The following AHNAK variants were observed in gnomAD, a reference collection of about 807,000 sequenced individuals.
The protein encoded by AHNAK is neuroblast differentiation-associated protein AHNAK.
AHNAK carries 23 observed loss-of-function variants against 37.8 expected under a neutral mutation model. The observed-to-expected ratio is 0.61, with a 90% CI of 0.44 to 0.86. The LOEUF is 0.86. AHNAK is among the 40% of genes least tolerant of loss of function. The pLI is 0.00. For synonymous variants in AHNAK, 2,481 were observed against 2,636.3 expected (o/e 0.94, Z 1.80); for missense variants, 7,411 against 7,319.4 (o/e 1.01, Z -0.46).
At position 62,522,023 on chromosome 11, in the gene AHNAK, G is replaced by A; in HGVS notation, c.12394C>T (p.Pro4132Ser). 1 of 1,614,030 alleles carries A rather than the reference G, an allele frequency of 6.2e-7. No individual in the cohort carries two copies. The highest frequency in any genetic ancestry group is 1.1e-5 in the South Asian group (1 of 91,062). ...LHLKAPKISMPEVDLNLKGPK... is the reference protein window; with the variant it reads ...LHLKAPKISMSEVDLNLKGPK... ...CCTTTCAGATTCAGGTCAACTTCAG[G>A]CATAGAGATCTTCGGTGCCTTGAGG... is the stretch of plus-strand genomic sequence containing the variant. The change falls in exon 5 of 5, where the codon CCT (proline) becomes TCT (serine). Residue 4132 changes from proline to serine, a missense_variant. By Grantham distance (74) the Pro-to-Ser change is moderately conservative (BLOSUM62 -1). Coordinates refer to ENST00000378024, the MANE Select transcript of AHNAK (RefSeq NM_001620.3).
Position 62,519,923 on chromosome 11 carries a change from G to A in AHNAK, c.14494C>T (p.Leu4832=). The A allele has an allele frequency of 6.2e-7, 1 of 1,613,912 alleles. No individual in the cohort carries two copies. Residue 4832 remains leucine (L), a synonymous_variant, in exon 5 of 5, where the codon CTG becomes TTG. Transcript: ENST00000378024. ...GGCATCTTGAACTTGGGGCCCTTCA[G>A]TTTTGCGTCTGGACCTTCGATATTC... The part of the protein sequence containing the change: ...DVNIEGPDAK[L]KGPKFKMPEI...
rs566682514 is a variant in AHNAK at position 62,498,614 on chromosome 11, A to G, written c.343-6783T>C. On this transcript the variant is annotated intron_variant, in intron 4 of 5. Coordinates refer to the AHNAK transcript ENST00000257247. ...GACTCACTCTAAAAAAAAAAAAAAAAGAAATTTTTTTTTATTAGCTGGGCA... is the reference window on the plus strand; with the variant it reads ...GACTCACTCTAAAAAAAAAAAAAAAGGAAATTTTTTTTTATTAGCTGGGCA... Among the ~76,000 whole-genome samples the G allele has an allele frequency of 3.6e-3, 539 of 150,850 alleles. 4 individuals are homozygous for G. Among genetic ancestry groups the G allele is most frequent in the Middle Eastern group, 0.01 (3 of 294 alleles).
chr11:62,533,543 G>C lies in AHNAK; in HGVS notation c.874C>G (p.Gln292Glu), dbSNP rs1940839084. The C allele has an allele frequency of 3.1e-6, 5 of 1,614,130 alleles. No individual in the cohort carries two copies. Among genetic ancestry groups the C allele is most frequent in the Non-Finnish European group, 4.2e-6 (5 of 1,180,018 alleles). Reference sequence around the variant, plus strand: ...TCACCACTCTCCAGAGATGGGCCCTGTACCTCTACTGCCCTACCCCCAAGA... The same window carrying C: ...TCACCACTCTCCAGAGATGGGCCCTCTACCTCTACTGCCCTACCCCCAAGA... ...SSLGGRAVEVQGPSLESGDHG... is the reference protein window; with the variant it reads ...SSLGGRAVEVEGPSLESGDHG... Residue 292 changes from glutamine (Q) to glutamate (E), a missense_variant, in exon 5 of 5, where the codon CAG becomes GAG. Gln to Glu is a conservative substitution (Grantham distance 29, BLOSUM62 2). Coordinates refer to ENST00000378024, the MANE Select transcript of AHNAK (RefSeq NM_001620.3).
intron 5 of AHNAK, among the ~76,000 whole-genome samples, chr11:62,443,237 A>G (rs1368433773): frequency 6.9e-6 from 1 of 145,124 alleles, no homozygotes; most frequent in African/African-American, 2.6e-5. Context: ...CGGCCTCCCA[A>G]AGTGCTGGGA....
At position 62,523,885 on chromosome 11, in the gene AHNAK, T is replaced by C; in HGVS notation, c.10532A>G (p.Asn3511Ser). 1 of 1,614,088 alleles carries C rather than the reference T, an allele frequency of 6.2e-7. No individual in the cohort carries two copies. Among genetic ancestry groups the C allele is most frequent in the Non-Finnish European group, 8.5e-7 (1 of 1,180,010 alleles). The change falls in exon 5 of 5, where the codon AAC (asparagine) becomes AGC (serine). Residue 3511 changes from asparagine to serine, a missense_variant. Coordinates refer to ENST00000378024, the MANE Select transcript of AHNAK (RefSeq NM_001620.3). ...GDINIEGPSMNIEGPDLNVEG... is the reference protein window; with the variant it reads ...GDINIEGPSMSIEGPDLNVEG... ...CACATTGAGATCTGGGCCCTCAATG[T>C]TCATACTTGGGCCCTCTATGTTGAT...
chr11:62,544,271 T>A (rs532984837), intron 1 of AHNAK, among the ~76,000 whole-genome samples: 1 of 152,270 alleles, frequency 6.6e-6, no homozygotes, highest in Admixed American at 6.5e-5. Flanking sequence ...GGTCCCTGTG[T>A]CCCACCCCTG....
chr11:62,454,699 A>G (rs1216479213), intron 5 of AHNAK, among the ~76,000 whole-genome samples: 1 of 151,970 alleles, frequency 6.6e-6, no homozygotes, highest in African/African-American at 2.4e-5. Context: ...TGCCAGGGCG[A>G]TGGGGAGAAG....
intron 5 of AHNAK, among the ~76,000 whole-genome samples, chr11:62,480,405 T>G (rs1187399153): frequency 6.6e-6 from 1 of 152,064 alleles, no homozygotes; most frequent in Non-Finnish European, 1.5e-5. Flanking sequence ...CTCACGCCTG[T>G]AATCCCAGCA....
In AHNAK at chr11:62,525,707, T is replaced by A; in HGVS notation, c.8710A>T (p.Met2904Leu). Residue 2904 changes from methionine to leucine, a missense_variant, in exon 5 of 5, where the codon ATG becomes TTG. Physicochemically the swap from Met to Leu is conservative, Grantham distance 15. Coordinates refer to ENST00000378024, the MANE Select transcript of AHNAK (RefSeq NM_001620.3). The stretch of plus-strand genomic sequence containing the variant: ...GGGCCCTCTGCTTTGAAGCCAGGCA[T>A]GCTGAACTTGGGCATTTTCATCTTG... ...MPKMKMPKFS[M>L]PGFKAEGPEV... 6.2e-7 allele frequency: 1 copy of A among 1,613,674 alleles called. No individual in the cohort carries two copies. Among genetic ancestry groups the A allele is most frequent in the Middle Eastern group, 1.7e-4 (1 of 6,060 alleles).
Position 62,516,688 on chromosome 11 carries a change from A to C in AHNAK, c.*56T>G. 6.5e-7 allele frequency: 1 copy of C among 1,532,128 alleles called. No individual in the cohort carries two copies. Among genetic ancestry groups the C allele is most frequent in the Non-Finnish European group, 8.7e-7 (1 of 1,145,130 alleles). The allele number at this position is 1,532,128 out of a possible 1,614,324, so 94.9% of individuals were successfully genotyped here. On this transcript the variant is annotated 3_prime_UTR_variant, in exon 5 of 5. Transcript: ENST00000378024. ...TTTGGAGTTTATATAGGAACACACC[A>C]CCCAAGGCTGATGTTTTGTTATATA...
intron 5 of AHNAK, among the ~76,000 whole-genome samples, chr11:62,477,768 C>T (rs1213470093): frequency 6.6e-6 from 1 of 151,682 alleles, no homozygotes; most frequent in Non-Finnish European, 1.5e-5. Context: ...CGCCACTGCA[C>T]TCCAGCCTAG....
chr11:62,455,421 TGTGGCCGGGC>T (rs922542324), intron 5 of AHNAK, among the ~76,000 whole-genome samples: 15 of 149,946 alleles, frequency 1.0e-4, no homozygotes, highest in African/African-American at 3.2e-4. Flanking sequence ...CCTTAAGAAA[TGTGGCCGGGC>T]GTGGTGGCTC....
intron 1 of AHNAK, 34 bp from the exon 2 acceptor site, chr11:62,536,601 G>A (rs1020799995): frequency 1.8e-4 from 28 of 152,708 alleles, no homozygotes; most frequent in Middle Eastern, 3.4e-3. Flanking sequence ...CTCGCACTCC[G>A]GTCGGCAGTC....
At position 62,522,391 on chromosome 11, in the gene AHNAK, T is replaced by G. The variant is rs375424138; in HGVS notation, c.12026A>C (p.His4009Pro). 6.2e-7 allele frequency: 1 copy of G among 1,614,150 alleles called. No individual in the cohort carries two copies. ...PKISMPDFDLHLKGPKVKGDV... is the reference protein window; with the variant it reads ...PKISMPDFDLPLKGPKVKGDV... ...TCCTTTCACCTTAGGGCCTTTCAGATGCAAATCAAAGTCAGGCATGGAGAT... is the reference window on the plus strand; with the variant it reads ...TCCTTTCACCTTAGGGCCTTTCAGAGGCAAATCAAAGTCAGGCATGGAGAT... Residue 4009 changes from histidine (H) to proline (P), a missense_variant, in exon 5 of 5, where the codon CAT becomes CCT. His to Pro is a moderately conservative substitution (Grantham distance 77). Transcript: ENST00000378024.
intron 4 of AHNAK, among the ~76,000 whole-genome samples, chr11:62,499,454 G>A (rs937439853): frequency 2.8e-4 from 43 of 152,168 alleles, no homozygotes; most frequent in African/African-American, 9.9e-4. Flanking sequence ...GGGAGACTGA[G>A]GCAAGAGAAT....
chr11:62,532,043 C>G lies in AHNAK; in HGVS notation c.2374G>C (p.Val792Leu), dbSNP rs114000466. Residue 792 changes from valine (V) to leucine (L), a missense_variant, in exon 5 of 5, where the codon GTG becomes CTG. Coordinates refer to ENST00000378024, the MANE Select transcript of AHNAK (RefSeq NM_001620.3). ...TTCCCTTCTGGTTCCTCAATGCTCA[C>G]ATCAGGAGCAGTAACATCTATCTTG... ...GPKIDVTAPD[V>L]SIEEPEGKLK... 2,550 of 1,613,478 alleles carry G rather than the reference C, an allele frequency of 1.6e-3. 4 individuals carry two copies. Among genetic ancestry groups the G allele is most frequent in the Non-Finnish European group, 2.0e-3 (2,325 of 1,179,922 alleles).
Position 62,516,572 on chromosome 11 carries a change from C to T in AHNAK, c.*172G>A, listed in dbSNP as rs1451898941. On this transcript the variant is annotated 3_prime_UTR_variant, in exon 5 of 5. Transcript: ENST00000378024. ...GAACTCTTTACCTATCTGTATAGTT[C>T]CAGGAGCCTACAGGCGGTCGGTTTT... is the stretch of plus-strand genomic sequence containing the variant. 296 of 1,461,146 alleles carry T rather than the reference C, an allele frequency of 2.0e-4. 2 individuals are homozygous for T. The highest frequency in any genetic ancestry group is 2.1e-5 in the Non-Finnish European group (23 of 1,117,260). 90.5% of individuals were successfully genotyped at this position (1,461,146 alleles called of 1,614,324 possible).
chr11:62,500,800 C>G (rs1939698340), intron 4 of AHNAK, among the ~76,000 whole-genome samples: 1 of 152,210 alleles, frequency 6.6e-6, no homozygotes, highest in African/African-American at 2.4e-5. Context: ...AGGGAACCAG[C>G]AGAAGCCTCT....
chr11:62,534,385 G>A (rs1395399538), intron 4 of AHNAK, among the ~76,000 whole-genome samples: 1 of 152,114 alleles, frequency 6.6e-6, no homozygotes, highest in African/African-American at 2.4e-5. Flanking sequence ...CCTGTGCCAG[G>A]GACACCTCCC....
Sources: gnomAD v4.1 joint callset for allele counts (sites outside exome capture counted in the v4.1 genomes callset) on GRCh38, gnomAD v4.1.1 for gene constraint, MANE v1.5 for transcripts, NCBI Gene and HGNC (gene_info 2026-07-23, HGNC 2026-07-21) for gene names.